Variants in MYO5B observed in about 807,000 individuals in gnomAD.
MYO5B encodes myosin VB, also known as unconventional myosin-Vb.
Under a neutral mutation model 229.3 loss-of-function variants are expected in MYO5B, and 143 were observed. That is an observed-to-expected ratio of 0.62 (90% CI 0.54 to 0.72). MYO5B has a LOEUF of 0.72. Ranked by LOEUF, MYO5B falls within the 30% of genes least tolerant of loss-of-function variation. The pLI, the probability that MYO5B is intolerant of heterozygous loss-of-function variation, is 0.00. For missense variants in MYO5B, 2,321 were observed against 2,331.0 expected (o/e 1.00, Z 0.09); for synonymous variants, 918 against 885.2 (o/e 1.04, Z -0.66).
At chr18:50,008,488 G>A (rs112096233) in intron 4 of MYO5B, among the ~76,000 whole-genome samples, 87 of 152,260 alleles carry the variant, frequency 5.7e-4, no homozygotes, top group African/African-American at 1.1e-3. Flanking sequence ...AAACTTTGTC[G>A]TCCCTGCCCT....
At chr18:49,994,988 C>G (rs564152613) in intron 5 of MYO5B, among the ~76,000 whole-genome samples, 1 of 152,264 alleles carries the variant, frequency 6.6e-6, no homozygotes, top group South Asian at 2.1e-4. Context: ...ACCATACTTA[C>G]GGGAAAACTT....
intron 16 of MYO5B, among the ~76,000 whole-genome samples, chr18:49,931,057 G>A (rs963493397): frequency 6.6e-6 from 1 of 152,166 alleles, no homozygotes; most frequent in African/African-American, 2.4e-5. Flanking sequence ...AAGGGACGAG[G>A]AACAAATGCT....
chr18:49,921,654 C>T (rs2025077047), intron 17 of MYO5B, among the ~76,000 whole-genome samples: 1 of 152,144 alleles, frequency 6.6e-6, no homozygotes, highest in Non-Finnish European at 1.5e-5. Context: ...CTACTGCTGT[C>T]CTGCAATGCT....
At chr18:49,997,878 T>C (rs1003004257) in intron 5 of MYO5B, among the ~76,000 whole-genome samples, 1 of 152,034 alleles carries the variant, frequency 6.6e-6, no homozygotes, top group African/African-American at 2.4e-5. Context: ...CCATAACCGA[T>C]TGCTTTGTTG....
At chr18:50,066,003 C>T (rs1281137642) in intron 1 of MYO5B, among the ~76,000 whole-genome samples, 1 of 151,888 alleles carries the variant, frequency 6.6e-6, no homozygotes, top group Non-Finnish European at 1.5e-5. Flanking sequence ...CAAAATGACA[C>T]TGGCAAGAGA....
rs1227706611 is a variant in MYO5B, at chr18:50,043,429, A to G, written c.139-3115T>C. The stretch of plus-strand genomic sequence containing the variant: ...AAATATTAAATATTTAAATATATTT[A>G]AATATATTAAATATTAAATATTTAA... On this transcript the variant is annotated intron_variant, in intron 2 of 39. Coordinates refer to ENST00000285039, the MANE Select transcript of MYO5B (RefSeq NM_001080467.3). Among the ~76,000 whole-genome samples, 20 of 113,788 alleles carry G rather than the reference A, an allele frequency of 1.8e-4. No homozygotes were observed. The South Asian group carries it at 4.0e-3, about 23-fold the overall frequency. The allele number at this position is 113,788 out of a possible 152,430, so 74.6% of individuals were successfully genotyped here. A position where few individuals can be genotyped will look rare whatever the true frequency, so the allele number is the denominator to read the frequency against.
At chr18:49,907,722 C>G (rs1425766097) in intron 18 of MYO5B, among the ~76,000 whole-genome samples, 1 of 152,272 alleles carries the variant, frequency 6.6e-6, no homozygotes, top group Non-Finnish European at 1.5e-5. Context: ...GGGTTCCACA[C>G]ACAGGGAAGG....
rs561098711 is a variant in MYO5B at position 50,098,469 on chromosome 18, G to T, written c.28-43091C>A. Reference sequence around the variant, plus strand: ...ATATCTACTGGTTACTAGGCTGGCTGTGAGGAAGCAAATACACAACAAGGA... The same window carrying T: ...ATATCTACTGGTTACTAGGCTGGCTTTGAGGAAGCAAATACACAACAAGGA... On this transcript the variant is annotated intron_variant, in intron 1 of 39. Transcript: ENST00000285039. Among the ~76,000 whole-genome samples the T allele has an allele frequency of 2.6e-5, 4 of 152,278 alleles. No individual in the cohort carries two copies. The South Asian group carries it at 8.3e-4, about 32-fold the overall frequency.
intron 4 of MYO5B, among the ~76,000 whole-genome samples, chr18:50,025,070 T>G (rs2026316557): frequency 6.6e-6 from 1 of 152,232 alleles, no homozygotes; most frequent in African/African-American, 2.4e-5. Flanking sequence ...CCTACTGTCC[T>G]AGAATTACAG....
At chr18:50,141,911 T>C (rs569143787) in intron 1 of MYO5B, among the ~76,000 whole-genome samples, 15 of 152,238 alleles carry the variant, frequency 9.9e-5, no homozygotes, top group Admixed American at 9.2e-4. Context: ...TGACAATGGG[T>C]TGGAAGCTTA....
At chr18:49,982,910 C>T (rs186668336) in intron 8 of MYO5B, among the ~76,000 whole-genome samples, 3 of 146,514 alleles carry the variant, frequency 2.0e-5, no homozygotes, top group African/African-American at 7.2e-5. Flanking sequence ...GTCCTTAGAG[C>T]CTTGGAGGGA....
Position 49,841,263 on chromosome 18 carries a change from G to T in MYO5B, c.4701+102C>A, listed in dbSNP as rs1013165094. On this transcript the variant is annotated intron_variant, in intron 35 of 39. Transcript: ENST00000285039. ...TGCCCACGGTCTGAGGTCCCCAAGG[G>T]TGCTCCAAAGACCCCACTGACCTCT... The T allele has an allele frequency of 3.7e-6, 4 of 1,086,262 alleles. No homozygotes were observed. The Admixed American group carries it at 5.1e-5, about 14-fold the overall frequency. 67.3% of individuals were successfully genotyped at this position (1,086,262 alleles called of 1,614,324 possible).
At chr18:50,113,227 G>A (rs1568111704) in intron 1 of MYO5B, among the ~76,000 whole-genome samples, 1 of 152,212 alleles carries the variant, frequency 6.6e-6, no homozygotes, top group East Asian at 1.9e-4. Flanking sequence ...ATAAAACAGT[G>A]AACAAAAAAG....
chr18:50,011,783 C>T (rs2026163183), intron 4 of MYO5B, among the ~76,000 whole-genome samples: 1 of 152,088 alleles, frequency 6.6e-6, no homozygotes, highest in Non-Finnish European at 1.5e-5. Context: ...TCCATTCCCC[C>T]TCACTGCTGC....
At chr18:49,913,970 C>T (rs753804793) in intron 17 of MYO5B, among the ~76,000 whole-genome samples, 10 of 67,818 alleles carry the variant, frequency 1.5e-4, no homozygotes, top group Non-Finnish European at 5.7e-4. Flanking sequence ...CCACTCTAAC[C>T]CCTGCTTCCA....
chr18:49,843,478 T>G (rs1898909340), intron 33 of MYO5B, 86 bp from the exon 34 acceptor site: 2 of 1,487,892 alleles, frequency 1.3e-6, no homozygotes, highest in Admixed American at 1.7e-5. Context: ...ATAGACGTGT[T>G]TTCAATATTT....
chr18:49,987,935 A>G (rs1275792871), intron 7 of MYO5B, among the ~76,000 whole-genome samples: 2 of 152,122 alleles, frequency 1.3e-5, no homozygotes, highest in Non-Finnish European at 2.9e-5. Flanking sequence ...CTTGGCCTGT[A>G]TGGTTTTTAC....
chr18:49,930,256 G>A (rs535348519), intron 16 of MYO5B, among the ~76,000 whole-genome samples: 25 of 152,234 alleles, frequency 1.6e-4, no homozygotes, highest in Admixed American at 1.4e-3. Flanking sequence ...CATACGTTGT[G>A]TATGCTGTTA....
In MYO5B at chr18:49,858,451, C is replaced by T. The variant is rs34890790; in HGVS notation, c.3945-1561G>A. Among the ~76,000 whole-genome samples, 945 of 152,342 alleles carry T rather than the reference C, an allele frequency of 6.2e-3. 16 individuals are homozygous for T. The highest frequency in any genetic ancestry group is 0.022 in the African/African-American group (908 of 41,586). On this transcript the variant is annotated intron_variant, in intron 29 of 39. Transcript: ENST00000285039. ...CACCTCCTTTCCCACACCAGAGAGA[C>T]ACTGACTCCTGCGCCAGGACCCAGG...
Sources: gnomAD v4.1 joint callset for allele counts (sites outside exome capture counted in the v4.1 genomes callset) on GRCh38, gnomAD v4.1.1 for gene constraint, MANE v1.5 for transcripts, NCBI Gene and HGNC (gene_info 2026-07-23, HGNC 2026-07-21) for gene names.